The following KCNIP4 variants were observed in gnomAD, a reference collection of about 807,000 sequenced individuals.
KCNIP4 encodes Kv channel-interacting protein 4.
KCNIP4 carries 12 observed loss-of-function variants against 34.0 expected under a neutral mutation model. The observed-to-expected ratio is 0.35, with a 90% CI of 0.23 to 0.57. The LOEUF (loss-of-function observed/expected upper bound fraction) is 0.57, where lower values mean the gene tolerates loss of function less well. Ranked by LOEUF, KCNIP4 falls within the 20% of genes least tolerant of loss-of-function variation. The pLI, the probability that KCNIP4 is intolerant of heterozygous loss-of-function variation, is 0.83. For synonymous variants in KCNIP4, 124 were observed against 102.2 expected, an observed-to-expected ratio of 1.21 and a Z score of -1.29; for missense variants, 238 against 311.7, an observed-to-expected ratio of 0.76 and a Z score of 1.78.
At chr4:21,557,511 C>G (rs1267401182) in intron 1 of KCNIP4, among the ~76,000 whole-genome samples, 1 of 152,060 alleles carries the variant, frequency 6.6e-6, no homozygotes, top group African/African-American at 2.4e-5. Flanking sequence ...AAACATTGTC[C>G]TTTTCTAAAG....
At chr4:20,961,442 C>T (rs1044183505) in intron 1 of KCNIP4, among the ~76,000 whole-genome samples, 10 of 151,780 alleles carry the variant, frequency 6.6e-5, no homozygotes, top group Non-Finnish European at 1.0e-4. Context: ...TGATCTCTTG[C>T]GAAGAATGAA....
chr4:20,934,779 A>T (rs745812424), intron 1 of KCNIP4, among the ~76,000 whole-genome samples: 4 of 152,228 alleles, frequency 2.6e-5, no homozygotes, highest in Non-Finnish European at 5.9e-5. Flanking sequence ...AGGAGGCTGT[A>T]TTATACTCAT....
intron 1 of KCNIP4, among the ~76,000 whole-genome samples, chr4:21,113,455 T>TAAAAAA (rs56676152): frequency 1.3e-4 from 8 of 62,378 alleles, no homozygotes; most frequent in East Asian, 5.1e-4. Flanking sequence ...TCTATAAGTT[T>TAAAAAA]AAAAAAAAAA....
intron 1 of KCNIP4, among the ~76,000 whole-genome samples, chr4:21,488,270 T>A (rs1420319228): frequency 1.3e-5 from 2 of 152,158 alleles, no homozygotes; most frequent in East Asian, 3.9e-4. Context: ...CCACTCCAAC[T>A]GTGAGAAATA....
rs1325645030 is a variant in KCNIP4, at chr4:20,922,539, GTCTGTCTGTCTATCTATCTATCTA to G, written c.62-39854_62-39831del. ...TGACTGTCTGTCTGTCTGTCTGTCT[GTCTGTCTGTCTATCTATCTATCTA>G]TCTATCTATCTATCTATCTATCTCC... On this transcript the variant is annotated intron_variant, in intron 1 of 8. Coordinates refer to ENST00000382152, the MANE Select transcript of KCNIP4 (RefSeq NM_025221.6). Among the ~76,000 whole-genome samples, 464 of 88,140 alleles carry G rather than the reference GTCTGTCTGTCTATCTATCTATCTA, an allele frequency of 5.3e-3. 6 individuals are homozygous for G. The highest frequency in any genetic ancestry group is 0.019 in the African/African-American group (420 of 22,424). The allele number at this position is 88,140 out of a possible 152,430, so 57.8% of individuals were successfully genotyped here.
At chr4:21,361,994 A>G (rs774847821) in intron 1 of KCNIP4, among the ~76,000 whole-genome samples, 1 of 152,030 alleles carries the variant, frequency 6.6e-6, no homozygotes, top group Non-Finnish European at 1.5e-5. Context: ...AAAACCCCAA[A>G]GAAGTGCCTG....
chr4:21,613,568 A>G (rs1041060054), intron 1 of KCNIP4: 1 of 152,180 alleles, frequency 6.6e-6, no homozygotes, highest in African/African-American at 2.4e-5. Flanking sequence ...GCTGTGAGAT[A>G]CTAAATGCCT....
At chr4:20,991,886 A>G (rs1024516948) in intron 1 of KCNIP4, among the ~76,000 whole-genome samples, 1 of 152,102 alleles carries the variant, frequency 6.6e-6, no homozygotes, top group Non-Finnish European at 1.5e-5. Context: ...TGCCATAGAT[A>G]TACCACTTCA....
At chr4:21,272,347 C>G (rs562321996) in intron 1 of KCNIP4, among the ~76,000 whole-genome samples, 1 of 152,222 alleles carries the variant, frequency 6.6e-6, no homozygotes, top group South Asian at 2.1e-4. Flanking sequence ...AAAAACAACA[C>G]TAAATTATAA....
chr4:21,121,534 AAGGC>A (rs1255660512), intron 1 of KCNIP4, among the ~76,000 whole-genome samples: 1 of 152,170 alleles, frequency 6.6e-6, no homozygotes, highest in East Asian at 1.9e-4. Flanking sequence ...TCTCATTTGG[AAGGC>A]AGCATCTTGT....
At chr4:21,493,704 G>A (rs1732605003) in intron 1 of KCNIP4, among the ~76,000 whole-genome samples, 2 of 152,098 alleles carry the variant, frequency 1.3e-5, no homozygotes, top group African/African-American at 4.8e-5. Context: ...TCACATGAAC[G>A]GAGCACAACT....
intron 1 of KCNIP4, among the ~76,000 whole-genome samples, chr4:21,159,463 G>A (rs1399164497): frequency 4.7e-5 from 1 of 21,428 alleles, no homozygotes; most frequent in African/African-American, 3.9e-4. Context: ...CGCAGAAGAC[G>A]GTGATTTCTG....
intron 1 of KCNIP4, among the ~76,000 whole-genome samples, chr4:21,265,507 A>G (rs900905632): frequency 1.3e-5 from 2 of 152,206 alleles, no homozygotes; most frequent in Admixed American, 1.3e-4. Context: ...CCACTTACCG[A>G]GTTGCCAGAT....
At chr4:21,207,959 C>T (rs1249027878) in intron 1 of KCNIP4, among the ~76,000 whole-genome samples, 2 of 151,576 alleles carry the variant, frequency 1.3e-5, no homozygotes, top group Non-Finnish European at 2.9e-5. Context: ...CCTCCCATCT[C>T]AGCCTCCCAA....
rs189144560 is a variant in KCNIP4, at chr4:20,994,464, A to G, written c.62-111755T>C. Among the ~76,000 whole-genome samples the G allele has an allele frequency of 2.1e-4, 32 of 152,344 alleles. No homozygotes were observed. The South Asian group carries it at 2.9e-3, about 14-fold the overall frequency. On this transcript the variant is annotated intron_variant, in intron 1 of 8. Coordinates refer to ENST00000382152, the MANE Select transcript of KCNIP4 (RefSeq NM_025221.6). ...CTTTAATTAGCATTCCTATTTCTGA[A>G]CTAATTGTCACAGAGAAAGGACTTT...
intron 3 of KCNIP4, among the ~76,000 whole-genome samples, chr4:20,833,642 T>A (rs1718692505): frequency 6.6e-6 from 1 of 152,180 alleles, no homozygotes; most frequent in South Asian, 2.1e-4. Context: ...TACAAATTGG[T>A]CCTTTACGCA....
chr4:20,845,389 C>A (rs1720245334), intron 3 of KCNIP4, among the ~76,000 whole-genome samples: 1 of 152,122 alleles, frequency 6.6e-6, no homozygotes, highest in Admixed American at 6.6e-5. Context: ...CCCCTCCCAC[C>A]TTGTGATAAT....
intron 1 of KCNIP4, among the ~76,000 whole-genome samples, chr4:21,914,210 A>G (rs1728499373): frequency 6.6e-6 from 1 of 152,206 alleles, no homozygotes; most frequent in Non-Finnish European, 1.5e-5. Context: ...TCAGTAGGCA[A>G]ACATTGAGCA....
intron 1 of KCNIP4, among the ~76,000 whole-genome samples, chr4:21,356,003 C>A (rs374405515): frequency 6.6e-6 from 1 of 152,106 alleles, no homozygotes; most frequent in Non-Finnish European, 1.5e-5. Flanking sequence ...TCAACATACG[C>A]AAATCAATAA....
Sources: gnomAD v4.1 joint callset for allele counts (sites outside exome capture counted in the v4.1 genomes callset) on GRCh38, gnomAD v4.1.1 for gene constraint, MANE v1.5 for transcripts, NCBI Gene and HGNC (gene_info 2026-07-23, HGNC 2026-07-21) for gene names.